The following SYNDIG1L variants were observed in gnomAD, a reference collection of about 807,000 sequenced individuals.
SYNDIG1L encodes synapse differentiation inducing 1 like.
A neutral mutation model predicts 20.1 loss-of-function variants in SYNDIG1L; 13 were observed. The observed-to-expected ratio is 0.65, with a 90% CI of 0.42 to 1.03. The LOEUF is 1.03. SYNDIG1L is among the 50% of genes least tolerant of loss of function. The pLI, the probability that SYNDIG1L is intolerant of heterozygous loss-of-function variation, is 0.00. For missense variants in SYNDIG1L, 294 were observed against 305.1 expected (o/e 0.96, Z 0.27); for synonymous variants, 128 against 129.3 (o/e 0.99, Z 0.07).
chr14:74,413,795 C>G (rs547458750), intron 1 of SYNDIG1L, among the ~76,000 whole-genome samples: 4 of 151,626 alleles, frequency 2.6e-5, no homozygotes, highest in Admixed American at 6.6e-5. Flanking sequence ...CACACACACA[C>G]AGACACACAC....
chr14:74,465,935 G>A, the SYNDIG1L span, among the ~76,000 whole-genome samples: 9 of 152,204 alleles, frequency 5.9e-5, no homozygotes, highest in Non-Finnish European at 1.2e-4. Flanking sequence ...GGAGTGAGGT[G>A]TCAGACCAAA....
At chr14:74,416,748 A>C (rs1269615525) in intron 1 of SYNDIG1L, among the ~76,000 whole-genome samples, 1 of 152,250 alleles carries the variant, frequency 6.6e-6, no homozygotes, top group Non-Finnish European at 1.5e-5. Flanking sequence ...AAAAAGGTTG[A>C]GAGTAAAAGG....
the SYNDIG1L span, among the ~76,000 whole-genome samples, chr14:74,435,486 C>G: frequency 6.6e-6 from 1 of 152,162 alleles, no homozygotes; most frequent in Admixed American, 6.5e-5. Context: ...GGGCCAACAG[C>G]TGGTTGGCAG....
At chr14:74,453,093 T>A in the SYNDIG1L span, among the ~76,000 whole-genome samples, 1 of 151,982 alleles carries the variant, frequency 6.6e-6, no homozygotes, top group Non-Finnish European at 1.5e-5. Context: ...ACACCTGTAA[T>A]CCCAGCCCTT....
the SYNDIG1L span, among the ~76,000 whole-genome samples, chr14:74,448,957 G>T: frequency 6.6e-6 from 1 of 152,076 alleles, no homozygotes; most frequent in Admixed American, 6.6e-5. Flanking sequence ...AGGGCTAGGT[G>T]CAGTGGCTCA....
intron 1 of SYNDIG1L, among the ~76,000 whole-genome samples, chr14:74,412,999 C>G (rs1450619703): frequency 6.6e-6 from 1 of 152,176 alleles, no homozygotes; most frequent in East Asian, 1.9e-4. Context: ...ATCTGACTCA[C>G]CCCTGCCCTA....
the SYNDIG1L span, among the ~76,000 whole-genome samples, chr14:74,468,375 T>A: frequency 3.9e-5 from 6 of 152,158 alleles, no homozygotes; most frequent in Admixed American, 3.9e-4. Context: ...TTGGGCTCTC[T>A]TCTTCCTGCT....
At chr14:74,408,902 A>C (rs2086107182) in intron 2 of SYNDIG1L, among the ~76,000 whole-genome samples, 2 of 152,108 alleles carry the variant, frequency 1.3e-5, no homozygotes, top group Non-Finnish European at 2.9e-5. Context: ...TGAACAATGA[A>C]ATAGTCAACT....
upstream of SYNDIG1L, among the ~76,000 whole-genome samples, chr14:74,427,779 TAGACACACAC>T (rs2086277668): frequency 6.6e-6 from 1 of 151,854 alleles, no homozygotes; most frequent in Non-Finnish European, 1.5e-5. Flanking sequence ...CAGACACACA[TAGACACACAC>T]AGACACACAC....
At chr14:74,427,074 G>A (rs1480119953), upstream of SYNDIG1L, among the ~76,000 whole-genome samples, 3 of 148,978 alleles carry the variant, frequency 2.0e-5, no homozygotes, top group Non-Finnish European at 3.0e-5. Flanking sequence ...TGGCTGCTTT[G>A]TCTCCACCCT....
At chr14:74,419,949 G>C (rs1450165937) in intron 1 of SYNDIG1L, among the ~76,000 whole-genome samples, 2 of 152,080 alleles carry the variant, frequency 1.3e-5, no homozygotes, top group Admixed American at 6.5e-5. Context: ...GCCATGCAGA[G>C]GAGCACTGGG....
At chr14:74,455,165 T>C in the SYNDIG1L span, among the ~76,000 whole-genome samples, 1 of 152,198 alleles carries the variant, frequency 6.6e-6, no homozygotes, top group African/African-American at 2.4e-5. Flanking sequence ...CTTGCAGCCT[T>C]CACAACCACG....
chr14:74,416,649 C>CCAAACAAACAAA (rs113071824), intron 1 of SYNDIG1L, among the ~76,000 whole-genome samples: 7 of 150,764 alleles, frequency 4.6e-5, no homozygotes, highest in African/African-American at 7.3e-5. Context: ...CAAAAACAAA[C>CCAAACAAACAAA]CAAACAAACA....
At chr14:74,454,863 G>A in the SYNDIG1L span, among the ~76,000 whole-genome samples, 1 of 152,206 alleles carries the variant, frequency 6.6e-6, no homozygotes, top group Non-Finnish European at 1.5e-5. Context: ...AGGTTTAATT[G>A]TATGTGTCAA....
chr14:74,479,907 C>T, the SYNDIG1L span: 2 of 1,132,292 alleles, frequency 1.8e-6, no homozygotes, highest in African/African-American at 3.2e-5. Context: ...CAGAATGTAC[C>T]CTGAAAGGAG....
intron 2 of SYNDIG1L, among the ~76,000 whole-genome samples, chr14:74,408,618 TTAA>T (rs1315051585): frequency 6.0e-5 from 9 of 150,978 alleles, no homozygotes; most frequent in South Asian, 2.1e-4. Context: ...GGAGACTATG[TTAA>T]TAAATGATGG....
chr14:74,409,304 T>G, intron 2 of SYNDIG1L, 24 bp downstream of exon 2: 1 of 1,418,322 alleles, frequency 7.1e-7, no homozygotes, highest in Non-Finnish European at 9.3e-7. Flanking sequence ...TGCTGGAATC[T>G]GCATTTTAAC....
At chr14:74,457,415 C>T in the SYNDIG1L span, among the ~76,000 whole-genome samples, 4 of 152,066 alleles carry the variant, frequency 2.6e-5, no homozygotes, top group Admixed American at 6.5e-5. Context: ...GCTCCTTGCA[C>T]GCCTGATTCA....
At chr14:74,478,918 GACAC>G in the SYNDIG1L span, among the ~76,000 whole-genome samples, 13 of 152,272 alleles carry the variant, frequency 8.5e-5, no homozygotes, top group African/African-American at 2.9e-4. Flanking sequence ...TAAGGAGACT[GACAC>G]ACAGAGAGAT....
Sources: allele counts gnomAD v4.1 joint callset (sites outside exome capture counted in the v4.1 genomes callset), GRCh38; gene constraint gnomAD v4.1.1; transcripts MANE v1.5; gene names NCBI Gene and HGNC (gene_info 2026-07-23, HGNC 2026-07-21).